Variants in COL27A1 observed in about 807,000 individuals in gnomAD.
COL27A1 encodes the protein collagen alpha-1(XXVII) chain.
COL27A1 carries 106 observed loss-of-function variants against 251.3 expected under a neutral mutation model. That is an observed-to-expected ratio of 0.42 (90% CI 0.36 to 0.50). The LOEUF is 0.50. COL27A1 is among the 20% of genes least tolerant of loss of function. COL27A1 has a pLI of 0.00. For synonymous variants in COL27A1, 1,000 were observed against 986.3 expected, an observed-to-expected ratio of 1.01 and a Z score of -0.26; for missense variants, 2,325 against 2,522.8, an observed-to-expected ratio of 0.92 and a Z score of 1.68.
chr9:114,209,601 G>T (rs572584611), intron 10 of COL27A1, 74 bp from the exon 11 acceptor site: 19 of 1,348,988 alleles, frequency 1.4e-5, no homozygotes, highest in Middle Eastern at 1.9e-4. Context: ...GGCAGTGGTG[G>T]GTGGGCTGCG....
chr9:114,289,914 C>T (rs956397124), intron 45 of COL27A1, 144 bp from the exon 46 acceptor site: 41 of 949,704 alleles, frequency 4.3e-5, no homozygotes, highest in Non-Finnish European at 5.7e-5. Context: ...TGGCCCCAGG[C>T]TTCCAGGCCA....
At position 114,276,024 on chromosome 9, in the gene COL27A1, AT is replaced by A. The variant is rs536924917; in HGVS notation, c.3717+257del. Among the ~76,000 whole-genome samples the A allele has an allele frequency of 1.8e-3, 274 of 152,210 alleles. 2 individuals are homozygous for A. Among genetic ancestry groups the A allele is most frequent in the African/African-American group, 6.0e-3 (250 of 41,528 alleles). On this transcript the variant is annotated intron_variant, in intron 37 of 60. Transcript: ENST00000356083. ...GGTCCCTGCCGACCTCATCTCATCCATCCCCCATATCCAGACACACTAAACT... is the reference window on the plus strand; with the variant it reads ...GGTCCCTGCCGACCTCATCTCATCCACCCCCATATCCAGACACACTAAACT...
chr9:114,305,922 A>G (rs1829008946), intron 57 of COL27A1, among the ~76,000 whole-genome samples: 1 of 152,192 alleles, frequency 6.6e-6, no homozygotes, highest in African/African-American at 2.4e-5. Context: ...TCTGATTTGT[A>G]GCTCTGGAAG....
At chr9:114,237,626 C>G in intron 18 of COL27A1, 36 bp from the exon 19 acceptor site, 1 of 1,594,218 alleles carries the variant, frequency 6.3e-7, no homozygotes, top group Non-Finnish European at 8.6e-7. Context: ...GTGGGGTCCT[C>G]ACCCCTGCCT....
At chr9:114,237,850 A>C in intron 19 of COL27A1, 135 bp downstream of exon 19, 2 of 688,082 alleles carry the variant, frequency 2.9e-6, no homozygotes, top group Non-Finnish European at 2.6e-6. Flanking sequence ...GAGAGGAGAA[A>C]CTCCTAGATC....
chr9:114,176,580 A>G (rs1246357983), intron 3 of COL27A1, among the ~76,000 whole-genome samples: 4 of 151,866 alleles, frequency 2.6e-5, no homozygotes, highest in Admixed American at 6.6e-5. Flanking sequence ...CCGTGGTGTT[A>G]CACCATACTC....
Position 114,177,685 on chromosome 9 carries a change from C to T in COL27A1, c.1909-606C>T, listed in dbSNP as rs148442173. On this transcript the variant is annotated intron_variant, in intron 3 of 60. Coordinates refer to ENST00000356083, the MANE Select transcript of COL27A1 (RefSeq NM_032888.4). The stretch of plus-strand genomic sequence containing the variant: ...GCTAAAGACTTGTGCATTTTGTCAG[C>T]GGCAGGCAGGGATCTGAACCCAGGC... 1.9e-3 allele frequency among the ~76,000 whole-genome samples: 295 copies of T among 152,272 alleles called. 2 individuals carry two copies. The highest frequency in any genetic ancestry group is 6.2e-3 in the African/African-American group (259 of 41,544).
At position 114,175,833 on chromosome 9, in the gene COL27A1, C is replaced by T. The variant is rs577107509; in HGVS notation, c.1909-2458C>T. The stretch of plus-strand genomic sequence containing the variant: ...AGCCCTTCACCCTGCTGGGTCTTTG[C>T]CTTCTCTGTGAGATGGGAAGAATCT... On this transcript the variant is annotated intron_variant, in intron 3 of 60. Coordinates refer to ENST00000356083, the MANE Select transcript of COL27A1 (RefSeq NM_032888.4). Among the ~76,000 whole-genome samples the T allele has an allele frequency of 4.9e-4, 74 of 152,344 alleles. No homozygotes were observed. The South Asian group carries it at 0.014, about 29-fold the overall frequency.
In COL27A1 at chr9:114,288,807, G is replaced by T. The variant is rs74722121; in HGVS notation, c.4098+52G>T. On this transcript the variant is annotated intron_variant, in intron 43 of 60. Coordinates refer to ENST00000356083, the MANE Select transcript of COL27A1 (RefSeq NM_032888.4). ...GCAGGATCGGGCATGTCAGGGAGAG[G>T]GGGGATGACACATGTCTAGAAAGAA... The T allele has an allele frequency of 4.1e-3, 6,541 of 1,601,626 alleles. 242 individuals are homozygous for T. In the African/African-American group the frequency reaches 0.076, roughly 18 times the overall value.
intron 1 of COL27A1, among the ~76,000 whole-genome samples, chr9:114,157,115 C>T (rs1294511648): frequency 6.6e-6 from 1 of 151,442 alleles, no homozygotes; most frequent in Non-Finnish European, 1.5e-5. Flanking sequence ...TACGCGCGCG[C>T]GGCACCAGTG....
rs140807782 is a variant in COL27A1 at position 114,231,128 on chromosome 9, T to G, written c.2516T>G (p.Met839Arg). 2 of 1,613,384 alleles carry G rather than the reference T, an allele frequency of 1.2e-6. No individual in the cohort carries two copies. Among genetic ancestry groups the G allele is most frequent in the Admixed American group, 1.7e-5 (1 of 59,980 alleles). The change falls in exon 15 of 61, where the codon ATG (methionine) becomes AGG (arginine). Residue 839 changes from methionine to arginine, a missense_variant. Coordinates refer to ENST00000356083, the MANE Select transcript of COL27A1 (RefSeq NM_032888.4). ...ATTGGCTACCCGGGACCCAAGGGCA[T>G]GAAGGTAAGCAAGGGATGTTCCCCC... Reference protein sequence around the residue: ...GPIGYPGPKGMKGLMGSVGEP... With the variant: ...GPIGYPGPKGRKGLMGSVGEP...
chr9:114,205,091 C>T lies in COL27A1; in HGVS notation c.2125-11C>T. 1.2e-6 allele frequency: 2 copies of T among 1,613,554 alleles called. No homozygotes were observed. The highest frequency in any genetic ancestry group is 1.1e-5 in the South Asian group (1 of 91,080). Reference sequence around the variant, plus strand: ...CTCCCTGCCTGATGCAGCTTCTTCCCCCTCCAACAGGGACACAAGGGCTAT... The same window carrying T: ...CTCCCTGCCTGATGCAGCTTCTTCCTCCTCCAACAGGGACACAAGGGCTAT... On this transcript the variant is annotated splice_polypyrimidine_tract_variant and intron_variant, in intron 7 of 60. Coordinates refer to ENST00000356083, the MANE Select transcript of COL27A1 (RefSeq NM_032888.4).
intron 3 of COL27A1, among the ~76,000 whole-genome samples, chr9:114,178,012 G>C (rs1429052519): frequency 1.3e-5 from 2 of 152,194 alleles, no homozygotes; most frequent in Non-Finnish European, 2.9e-5. Context: ...GGAAAAGAAG[G>C]GACTTTGTCC....
chr9:114,309,170 C>CCCTGTT, intron 59 of COL27A1, 90 bp from the exon 60 acceptor site: 1 of 1,036,534 alleles, frequency 9.6e-7, no homozygotes, highest in Non-Finnish European at 1.5e-6. Context: ...AGGGGCCTAT[C>CCCTGTT]CCTGTTCCCT....
intron 1 of COL27A1, among the ~76,000 whole-genome samples, chr9:114,159,441 T>C (rs889820465): frequency 6.6e-6 from 1 of 151,986 alleles, no homozygotes; most frequent in African/African-American, 2.4e-5. Context: ...AATGAAGGAC[T>C]CAAGGAGTGA....
At chr9:114,307,841 C>A in intron 59 of COL27A1, 63 bp downstream of exon 59, 1 of 1,164,302 alleles carries the variant, frequency 8.6e-7, no homozygotes, top group Non-Finnish European at 1.3e-6. Context: ...CTGCCCTGGG[C>A]CACAACCAAC....
chr9:114,165,458 C>T (rs1848764728), intron 2 of COL27A1, among the ~76,000 whole-genome samples: 2 of 151,440 alleles, frequency 1.3e-5, no homozygotes, highest in African/African-American at 2.4e-5. Context: ...ATCCATTCAC[C>T]CATCCATCCA....
intron 49 of COL27A1, among the ~76,000 whole-genome samples, chr9:114,299,430 C>T (rs1284070219): frequency 6.6e-6 from 1 of 152,234 alleles, no homozygotes; most frequent in Non-Finnish European, 1.5e-5. Context: ...GCCCCCTTGC[C>T]AATTGCTCTC....
chr9:114,193,577 A>G (rs753933671), intron 5 of COL27A1, among the ~76,000 whole-genome samples: 2 of 152,080 alleles, frequency 1.3e-5, no homozygotes, highest in African/African-American at 2.4e-5. Flanking sequence ...GGCCCTAGAC[A>G]GTCCCTTTCC....
Sources: allele counts gnomAD v4.1 joint callset (sites outside exome capture counted in the v4.1 genomes callset), GRCh38; gene constraint gnomAD v4.1.1; transcripts MANE v1.5; gene names NCBI Gene and HGNC (gene_info 2026-07-23, HGNC 2026-07-21).